The following HPSE2 variants were observed in gnomAD, a reference collection of about 807,000 sequenced individuals.
The protein encoded by HPSE2 is heparanase 2 (inactive).
In HPSE2, 38 loss-of-function variants were observed where a neutral mutation model predicts 60.5. The observed-to-expected ratio is 0.63, with a 90% CI of 0.48 to 0.82. HPSE2 has a LOEUF of 0.82. HPSE2 is among the 40% of genes least tolerant of loss of function. HPSE2 has a pLI of 0.00. For synonymous variants in HPSE2, 295 were observed against 293.2 expected (o/e 1.01, Z -0.06); for missense variants, 713 against 740.4 (o/e 0.96, Z 0.43).
intron 3 of HPSE2, among the ~76,000 whole-genome samples, chr10:98,807,471 T>A (rs1206994432): frequency 6.6e-6 from 1 of 152,224 alleles, no homozygotes; most frequent in African/African-American, 2.4e-5. Flanking sequence ...CAGCAAAATA[T>A]CATAGCATCC....
chr10:98,982,801 T>C (rs959622361), intron 3 of HPSE2, among the ~76,000 whole-genome samples: 2 of 152,168 alleles, frequency 1.3e-5, no homozygotes, highest in African/African-American at 2.4e-5. Context: ...TTACCTCTAA[T>C]AAAACAAATA....
intron 3 of HPSE2, among the ~76,000 whole-genome samples, chr10:98,757,144 A>G (rs1949896803): frequency 6.6e-6 from 1 of 152,214 alleles, no homozygotes; most frequent in Admixed American, 6.5e-5. Flanking sequence ...TTCATGTTAA[A>G]CATGCTCAAC....
intron 3 of HPSE2, among the ~76,000 whole-genome samples, chr10:98,974,629 A>G (rs894455296): frequency 1.3e-5 from 2 of 152,162 alleles, no homozygotes; most frequent in African/African-American, 4.8e-5. Context: ...TTATAGACAA[A>G]AGGATTACCT....
At position 98,482,656 on chromosome 10, in the gene HPSE2, C is replaced by A. The variant is rs1333358900; in HGVS notation, c.1593G>T (p.Gly531=). 2 of 1,614,152 alleles carry A rather than the reference C, an allele frequency of 1.2e-6. No homozygotes were observed. The highest frequency in any genetic ancestry group is 2.2e-5 in the East Asian group (1 of 44,876). ...CGTACTTGGACTTTAGGCCCTCCTG[C>A]CCATAGGGCTGCAGCAGGTACTGGT... ...LVHQYLLQPY[G]QEGLKSKSVQ... The change falls in exon 11 of 12, where the codon GGG becomes GGT. Residue 531 remains glycine, a synonymous_variant. Transcript: ENST00000370552.
chr10:99,052,330 G>C (rs1489131783), intron 3 of HPSE2, among the ~76,000 whole-genome samples: 1 of 151,338 alleles, frequency 6.6e-6, no homozygotes, highest in Non-Finnish European at 1.5e-5. Context: ...CCATCCCCAA[G>C]AAAAGGTCAC....
intron 9 of HPSE2, among the ~76,000 whole-genome samples, chr10:98,537,925 G>A (rs1045158725): frequency 1.3e-5 from 2 of 152,228 alleles, no homozygotes; most frequent in Non-Finnish European, 2.9e-5. Context: ...GTAGATAGCG[G>A]TAGAAGAAAT....
intron 2 of HPSE2, among the ~76,000 whole-genome samples, chr10:99,186,129 C>CACACACACATACACAT (rs1554912903): frequency 1.1e-4 from 15 of 141,610 alleles, no homozygotes; most frequent in Non-Finnish European, 6.2e-5. Flanking sequence ...CACACACACA[C>CACACACACATACACAT]ACACACACAC....
chr10:99,242,071 A>C, the HPSE2 span, among the ~76,000 whole-genome samples: 1 of 152,202 alleles, frequency 6.6e-6, no homozygotes, highest in African/African-American at 2.4e-5. Flanking sequence ...CTACTAGGAA[A>C]GGGAAAACAG....
chr10:98,572,247 T>C (rs1008763117), intron 9 of HPSE2, among the ~76,000 whole-genome samples: 4 of 152,182 alleles, frequency 2.6e-5, no homozygotes, highest in African/African-American at 9.7e-5. Flanking sequence ...GCCTTTTCTT[T>C]TCTTACCTGG....
intron 5 of HPSE2, among the ~76,000 whole-genome samples, chr10:98,711,701 T>G (rs1054844293): frequency 2.0e-5 from 3 of 152,182 alleles, no homozygotes; most frequent in East Asian, 3.8e-4. Flanking sequence ...CAGTTTCCTC[T>G]TCTTGGTTCT....
intron 3 of HPSE2, among the ~76,000 whole-genome samples, chr10:98,990,575 A>T (rs1956498915): frequency 6.6e-6 from 1 of 152,228 alleles, no homozygotes; most frequent in Non-Finnish European, 1.5e-5. Flanking sequence ...TGTGGCCTGG[A>T]GGTTGGGGAC....
At position 99,235,719 on chromosome 10, in the gene HPSE2, G is replaced by A. The variant is rs200734371; in HGVS notation, c.84C>T (p.Tyr28=). 40 of 1,614,058 alleles carry A rather than the reference G, an allele frequency of 2.5e-5. No homozygotes were observed. The East Asian group carries it at 6.2e-4, about 25-fold the overall frequency. ...PPACLAPGAL[Y]LALLLHLSLS... is the part of the protein sequence containing the mutation. ...GGGAGAGATGGAGCAACAGAGCCAA[G>A]TAGAGAGCCCCCGGGGCTAGGCACG... Residue 28 remains tyrosine, a synonymous_variant, in exon 1 of 12, where the codon TAC becomes TAT. Coordinates refer to ENST00000370552, the MANE Select transcript of HPSE2 (RefSeq NM_021828.5).
chr10:99,271,609 TACC>T, the HPSE2 span, among the ~76,000 whole-genome samples: 1 of 152,158 alleles, frequency 6.6e-6, no homozygotes, highest in African/African-American at 2.4e-5. Flanking sequence ...CCTATCAAAG[TACC>T]ACCATCATTC....
intron 3 of HPSE2, among the ~76,000 whole-genome samples, chr10:98,985,063 C>G (rs1956306117): frequency 6.6e-6 from 1 of 152,188 alleles, no homozygotes; most frequent in African/African-American, 2.4e-5. Flanking sequence ...TTGGAAAACA[C>G]TCTGCAGGAT....
At chr10:98,586,639 CTT>C (rs1944948175) in intron 9 of HPSE2, among the ~76,000 whole-genome samples, 1 of 152,158 alleles carries the variant, frequency 6.6e-6, no homozygotes, top group African/African-American at 2.4e-5. Flanking sequence ...TTCTGAGACT[CTT>C]TGTAAAATAG....
At chr10:98,664,432 T>C (rs1354905172) in intron 6 of HPSE2, among the ~76,000 whole-genome samples, 2 of 152,100 alleles carry the variant, frequency 1.3e-5, no homozygotes, top group Non-Finnish European at 2.9e-5. Flanking sequence ...AGCCAGGGAA[T>C]CTGCTTGAGG....
intron 3 of HPSE2, among the ~76,000 whole-genome samples, chr10:98,750,180 G>A (rs111337793): frequency 3.9e-5 from 6 of 152,130 alleles, no homozygotes; most frequent in African/African-American, 1.4e-4. Flanking sequence ...ACTATGGAAA[G>A]AATTCCAGGC....
intron 9 of HPSE2, among the ~76,000 whole-genome samples, chr10:98,525,049 C>A (rs761897150): frequency 2.6e-5 from 4 of 152,204 alleles, no homozygotes; most frequent in Non-Finnish European, 5.9e-5. Flanking sequence ...TCACTCTTGT[C>A]GCCCAGGCTG....
Position 98,626,804 on chromosome 10 carries a change from G to T in HPSE2, c.1099-6096C>A, listed in dbSNP as rs187100601. Among the ~76,000 whole-genome samples the T allele has an allele frequency of 4.7e-3, 716 of 151,346 alleles. 3 individuals carry two copies. Among genetic ancestry groups the T allele is most frequent in the African/African-American group, 0.017 (682 of 41,094 alleles). ...TTTTTTTTTCTCAAGACGGAGTCTC[G>T]CTCTGTTGCCCAGGCTGGAGTGCAC... On this transcript the variant is annotated intron_variant, in intron 7 of 11. Transcript: ENST00000370552.
Sources: gnomAD v4.1 joint callset for allele counts (sites outside exome capture counted in the v4.1 genomes callset) on GRCh38, gnomAD v4.1.1 for gene constraint, MANE v1.5 for transcripts, NCBI Gene and HGNC (gene_info 2026-07-23, HGNC 2026-07-21) for gene names.